The following PUM1 variants were observed in gnomAD, a reference collection of about 807,000 sequenced individuals.
The protein encoded by PUM1 is pumilio RNA binding family member 1.
Under a neutral mutation model 131.8 loss-of-function variants are expected in PUM1, and 13 were observed. That is an observed-to-expected ratio of 0.10 (90% CI 0.06 to 0.16). The LOEUF (loss-of-function observed/expected upper bound fraction) is 0.16, where lower values mean the gene tolerates loss of function less well. PUM1 is among the 10% of genes least tolerant of loss of function. The pLI, the probability that PUM1 is intolerant of heterozygous loss-of-function variation, is 1.00. For synonymous variants in PUM1, 509 were observed against 556.5 expected (o/e 0.91, Z 1.20); for missense variants, 961 against 1,512.4 (o/e 0.64, Z 6.05).
intron 20 of PUM1, among the ~76,000 whole-genome samples, chr1:30,937,100 A>G (rs889316352): frequency 1.3e-5 from 2 of 152,144 alleles, no homozygotes; most frequent in African/African-American, 4.8e-5. Flanking sequence ...GAGGGTGATC[A>G]AATTATACAC....
chr1:31,040,819 T>C (rs1570333726), intron 2 of PUM1, among the ~76,000 whole-genome samples: 1 of 151,920 alleles, frequency 6.6e-6, no homozygotes. Flanking sequence ...TCCTATGCTA[T>C]GAGGAGGAGC....
intron 10 of PUM1, among the ~76,000 whole-genome samples, chr1:30,969,367 A>G (rs912697131): frequency 1.3e-5 from 2 of 148,966 alleles, no homozygotes; most frequent in South Asian, 4.3e-4. Flanking sequence ...GGGGGTTGGG[A>G]GGGGTTCCAG....
intron 7 of PUM1, among the ~76,000 whole-genome samples, chr1:30,990,450 G>C (rs1274596091): frequency 5.3e-5 from 8 of 152,090 alleles, no homozygotes; most frequent in Non-Finnish European, 4.4e-5. Flanking sequence ...TGACAAATGA[G>C]GTGGACGTAA....
At chr1:31,037,977 G>A (rs1210795478) in intron 2 of PUM1, among the ~76,000 whole-genome samples, 1 of 151,700 alleles carries the variant, frequency 6.6e-6, no homozygotes, top group African/African-American at 2.4e-5. Context: ...TACTTGGGAG[G>A]CTGAGGCAGG....
chr1:30,996,235 G>A (rs1326124114), intron 5 of PUM1, among the ~76,000 whole-genome samples: 1 of 152,156 alleles, frequency 6.6e-6, no homozygotes, highest in Non-Finnish European at 1.5e-5. Flanking sequence ...CTGGTTTAAG[G>A]AAGAGAAATG....
At position 30,968,486 on chromosome 1, in the gene PUM1, G is replaced by A. The variant is rs1211707106; in HGVS notation, c.1513C>T (p.Arg505Cys). 1.3e-6 allele frequency: 2 copies of A among 1,590,578 alleles called. No individual in the cohort carries two copies. Among genetic ancestry groups the A allele is most frequent in the Non-Finnish European group, 8.5e-7 (1 of 1,173,944 alleles). Residue 505 changes from arginine to cysteine, a missense_variant, in exon 11 of 22, where the codon CGT becomes TGT. This residue lies in a region of PUM1 where 654 missense variants were observed against 923.9 expected (regional missense o/e 0.71). Transcript: ENST00000426105. ...QAQQGQQQVL[R>C]GGASQRPLTP... ...AAAGGACGTTGGCTGGCTCCTCCAC[G>A]GAGAACCTGGGAAAGGAAGACAGAA...
At position 31,038,958 on chromosome 1, in the gene PUM1, T is replaced by TTA. The variant is rs200492434; in HGVS notation, c.364-10096_364-10095dup. ...TAGCCATTTAAAATGTTTTAAAATT[T>TTA]TATATATATATATATATATATATAT... On this transcript the variant is annotated intron_variant, in intron 2 of 21. Coordinates refer to ENST00000426105, the MANE Select transcript of PUM1 (RefSeq NM_001020658.2). Among the ~76,000 whole-genome samples the TTA allele has an allele frequency of 8.1e-3, 354 of 43,850 alleles. 1 individual carries two copies. Among genetic ancestry groups the TTA allele is most frequent in the Admixed American group, 9.1e-3 (38 of 4,162 alleles). The allele number at this position is 43,850 out of a possible 152,430, so 28.8% of individuals were successfully genotyped here.
intron 11 of PUM1, chr1:30,968,095 T>C (rs1640698162): frequency 9.7e-6 from 6 of 620,666 alleles, no homozygotes; most frequent in Non-Finnish European, 1.8e-5. Flanking sequence ...AGAAAACAGA[T>C]AATCCACCAA....
chr1:31,037,654 C>T (rs574733786), intron 2 of PUM1, among the ~76,000 whole-genome samples: 1 of 151,802 alleles, frequency 6.6e-6, no homozygotes, highest in South Asian at 2.1e-4. Flanking sequence ...AAGGAAGCGG[C>T]CAAGATTGCA....
At chr1:30,969,882 C>CT (rs1348170972) in intron 10 of PUM1, among the ~76,000 whole-genome samples, 1 of 152,184 alleles carries the variant, frequency 6.6e-6, no homozygotes, top group African/African-American at 2.4e-5. Flanking sequence ...AGGCTAATCT[C>CT]TAACTCCTGG....
At chr1:31,020,332 C>T (rs909937656) in intron 3 of PUM1, among the ~76,000 whole-genome samples, 4 of 152,178 alleles carry the variant, frequency 2.6e-5, no homozygotes, top group Non-Finnish European at 4.4e-5. Context: ...CACGTCTGTG[C>T]TATTGTGAAT....
chr1:30,951,609 A>C (rs1639936630), intron 16 of PUM1, among the ~76,000 whole-genome samples: 1 of 152,188 alleles, frequency 6.6e-6, no homozygotes, highest in African/African-American at 2.4e-5. Context: ...AAGGGCTACA[A>C]TGGTAAGCAA....
intron 7 of PUM1, among the ~76,000 whole-genome samples, chr1:30,986,503 T>C (rs1176467047): frequency 2.0e-5 from 3 of 152,016 alleles, no homozygotes; most frequent in Non-Finnish European, 4.4e-5. Flanking sequence ...CAACTAATGA[T>C]TACAATGATT....
intron 9 of PUM1, among the ~76,000 whole-genome samples, chr1:30,977,343 G>A (rs980472859): frequency 2.0e-5 from 3 of 152,156 alleles, no homozygotes; most frequent in Non-Finnish European, 4.4e-5. Flanking sequence ...TGGGAGTACA[G>A]CCGTATCTAC....
At chr1:31,060,155 C>T (rs147509627) in intron 1 of PUM1, among the ~76,000 whole-genome samples, 110 of 150,404 alleles carry the variant, frequency 7.3e-4, no homozygotes, top group African/African-American at 2.6e-3. Flanking sequence ...GCCCCAAAAG[C>T]CTTTTTAAAA....
intron 1 of PUM1, among the ~76,000 whole-genome samples, chr1:31,062,150 T>C (rs955489581): frequency 4.6e-5 from 7 of 152,188 alleles, no homozygotes; most frequent in Non-Finnish European, 1.0e-4. Flanking sequence ...GCTTACTTCT[T>C]TCTACTAACC....
intron 3 of PUM1, among the ~76,000 whole-genome samples, chr1:31,014,938 T>C (rs1352892139): frequency 1.3e-5 from 2 of 152,146 alleles, no homozygotes; most frequent in Non-Finnish European, 2.9e-5. Context: ...GACTAGCCTG[T>C]GCAACATAGT....
intron 2 of PUM1, among the ~76,000 whole-genome samples, chr1:31,038,972 A>ATTTTTTTTTTTTTTTTTTTTTTTTT (rs1557599132): frequency 3.3e-5 from 1 of 30,100 alleles, no homozygotes; most frequent in African/African-American, 2.8e-4. Flanking sequence ...ATATATATAT[A>ATTTTTTTTTTTTTTTTTTTTTTTTT]TATATATATA....
chr1:31,015,651 AATTT>A (rs1485087870), intron 3 of PUM1, among the ~76,000 whole-genome samples: 4 of 147,334 alleles, frequency 2.7e-5, no homozygotes, highest in Middle Eastern at 7.2e-3. Context: ...ACTTCAATGT[AATTT>A]ATTTATTTTT....
Sources: allele counts gnomAD v4.1 joint callset (sites outside exome capture counted in the v4.1 genomes callset), GRCh38; gene constraint gnomAD v4.1.1; regional missense constraint gnomAD v4.1.1; transcripts MANE v1.5; gene names NCBI Gene and HGNC (gene_info 2026-07-23, HGNC 2026-07-21).